Variants in GRM7 observed in about 807,000 individuals in gnomAD.
The protein encoded by GRM7 is glutamate metabotropic receptor 7.
GRM7 carries 35 observed loss-of-function variants against 84.5 expected under a neutral mutation model. The ratio of observed to expected loss-of-function variants is 0.41; its 90% CI spans 0.32 to 0.55. The LOEUF (loss-of-function observed/expected upper bound fraction) is 0.55, where lower values mean the gene tolerates loss of function less well. GRM7 is among the 20% of genes least tolerant of loss of function. The probability of loss-of-function intolerance (pLI) is 0.19; values close to 1 mark genes in which losing one functional copy is unlikely to be tolerated. For synonymous variants in GRM7, 487 were observed against 455.1 expected (o/e 1.07, Z -0.89); for missense variants, 1,003 against 1,194.6 (o/e 0.84, Z 2.36).
intron 7 of GRM7, among the ~76,000 whole-genome samples, chr3:7,550,813 C>T (rs1044349986): frequency 4.6e-5 from 7 of 151,972 alleles, no homozygotes; most frequent in African/African-American, 1.7e-4. Flanking sequence ...TTGGATGGTG[C>T]GTACTCAAAT....
intron 2 of GRM7, among the ~76,000 whole-genome samples, chr3:7,283,377 T>A (rs1398025438): frequency 1.3e-5 from 2 of 149,916 alleles, no homozygotes; most frequent in Non-Finnish European, 1.5e-5. Context: ...AAATGCTCAT[T>A]AAAGGTTTTG....
At chr3:7,331,995 G>C (rs1701227265) in intron 4 of GRM7, among the ~76,000 whole-genome samples, 1 of 152,166 alleles carries the variant, frequency 6.6e-6, no homozygotes, top group Non-Finnish European at 1.5e-5. Flanking sequence ...GACTGTGATA[G>C]GATCAGAAGT....
intron 1 of GRM7, among the ~76,000 whole-genome samples, chr3:6,906,937 C>T (rs1369325652): frequency 2.0e-5 from 3 of 152,080 alleles, no homozygotes; most frequent in Non-Finnish European, 2.9e-5. Flanking sequence ...TGGACATATG[C>T]GAACACCCAT....
At chr3:6,939,361 G>A (rs1004845215) in intron 1 of GRM7, among the ~76,000 whole-genome samples, 3 of 151,586 alleles carry the variant, frequency 2.0e-5, no homozygotes, top group Admixed American at 1.3e-4. Flanking sequence ...TGACTTCATA[G>A]GATAACACCT....
At chr3:7,520,690 T>G (rs2124990299) in intron 7 of GRM7, among the ~76,000 whole-genome samples, 1 of 152,306 alleles carries the variant, frequency 6.6e-6, no homozygotes, top group East Asian at 1.9e-4. Flanking sequence ...TGTGCCCTTG[T>G]TTAAGACTCA....
intron 1 of GRM7, among the ~76,000 whole-genome samples, chr3:7,099,138 A>G (rs1303342497): frequency 6.6e-6 from 1 of 151,356 alleles, no homozygotes; most frequent in Non-Finnish European, 1.5e-5. Context: ...ATGCACAAGA[A>G]ATGAAGGAAA....
At chr3:7,000,656 C>T (rs761284176) in intron 1 of GRM7, among the ~76,000 whole-genome samples, 4 of 152,198 alleles carry the variant, frequency 2.6e-5, no homozygotes, top group Non-Finnish European at 4.4e-5. Context: ...CTCACAACCA[C>T]AAGCCTTTGT....
At chr3:7,026,211 C>T (rs140976186) in intron 1 of GRM7, among the ~76,000 whole-genome samples, 3 of 152,322 alleles carry the variant, frequency 2.0e-5, no homozygotes, top group Admixed American at 6.5e-5. Flanking sequence ...AACTGGGTTG[C>T]ACCTTAGGCA....
intron 1 of GRM7, among the ~76,000 whole-genome samples, chr3:7,094,900 C>T (rs1256802735): frequency 2.0e-5 from 3 of 151,748 alleles, no homozygotes; most frequent in African/African-American, 4.8e-5. Context: ...TAATACATTA[C>T]AGTATTTAGC....
At chr3:7,636,323 G>A (rs7611935) in intron 8 of GRM7, 320,738 of 456,286 alleles carry the variant, frequency 0.7, 114,012 homozygotes, top group South Asian at 0.82. Context: ...TATCCTCCCC[G>A]ACCGGACTAA....
At chr3:6,907,474 A>C (rs1020929068) in intron 1 of GRM7, among the ~76,000 whole-genome samples, 6 of 152,334 alleles carry the variant, frequency 3.9e-5, no homozygotes, top group Admixed American at 3.3e-4. Flanking sequence ...AGCAAGGTCT[A>C]AAATCAAAGA....
At chr3:7,698,116 A>G (rs1242388453) in intron 9 of GRM7, among the ~76,000 whole-genome samples, 2 of 152,026 alleles carry the variant, frequency 1.3e-5, no homozygotes, top group South Asian at 2.1e-4. Context: ...AGAACAAATT[A>G]CTCTTTGCCA....
intron 4 of GRM7, among the ~76,000 whole-genome samples, chr3:7,325,297 C>T (rs1575169275): frequency 6.6e-6 from 1 of 152,088 alleles, no homozygotes; most frequent in Non-Finnish European, 1.5e-5. Flanking sequence ...ATTTTGTGAA[C>T]AAAAATACAA....
chr3:7,114,915 A>G (rs1692979956), intron 1 of GRM7, among the ~76,000 whole-genome samples: 1 of 152,154 alleles, frequency 6.6e-6, no homozygotes, highest in South Asian at 2.1e-4. Context: ...TCCTGGTGGC[A>G]GCATGGCATG....
chr3:7,174,361 A>G (rs1695077651), intron 2 of GRM7, among the ~76,000 whole-genome samples: 1 of 152,244 alleles, frequency 6.6e-6, no homozygotes, highest in South Asian at 2.1e-4. Context: ...GATAAGAGTG[A>G]CATCATAGTG....
intron 2 of GRM7, among the ~76,000 whole-genome samples, chr3:7,176,900 C>T (rs1695169371): frequency 6.6e-6 from 1 of 152,188 alleles, no homozygotes; most frequent in South Asian, 2.1e-4. Context: ...CTAGGAGTCA[C>T]CATTACCTGT....
intron 8 of GRM7, among the ~76,000 whole-genome samples, chr3:7,600,546 A>T (rs1364793951): frequency 6.6e-6 from 1 of 152,110 alleles, no homozygotes; most frequent in Non-Finnish European, 1.5e-5. Context: ...AGAGTTAAAG[A>T]GCCAGGGCTG....
At chr3:7,142,915 A>G (rs1000699877) in intron 1 of GRM7, among the ~76,000 whole-genome samples, 5 of 152,204 alleles carry the variant, frequency 3.3e-5, no homozygotes, top group African/African-American at 1.2e-4. Flanking sequence ...TGAGGAGAAA[A>G]GAATAATAAG....
chr3:7,080,450 C>T (rs1442304615), intron 1 of GRM7, among the ~76,000 whole-genome samples: 1 of 151,970 alleles, frequency 6.6e-6, no homozygotes, highest in African/African-American at 2.4e-5. Flanking sequence ...GGTTTTCATT[C>T]TGAGCTTCAA....
Sources: gnomAD v4.1 joint callset for allele counts (sites outside exome capture counted in the v4.1 genomes callset) on GRCh38, gnomAD v4.1.1 for gene constraint, MANE v1.5 for transcripts, NCBI Gene and HGNC (gene_info 2026-07-23, HGNC 2026-07-21) for gene names.